Variants in PRKCE observed in about 807,000 individuals in gnomAD.
PRKCE encodes the protein protein kinase C epsilon.
Under a neutral mutation model 85.4 loss-of-function variants are expected in PRKCE, and 16 were observed. The observed-to-expected ratio is 0.19, with a 90% CI of 0.13 to 0.28. The LOEUF (loss-of-function observed/expected upper bound fraction) is 0.28, where lower values mean the gene tolerates loss of function less well. PRKCE is among the 10% of genes least tolerant of loss of function. The pLI, the probability that PRKCE is intolerant of heterozygous loss-of-function variation, is 1.00. For missense variants in PRKCE, 573 were observed against 975.2 expected, an observed-to-expected ratio of 0.59 and a Z score of 5.49; for synonymous variants, 388 against 371.5, an observed-to-expected ratio of 1.04 and a Z score of -0.51.
intron 11 of PRKCE, among the ~76,000 whole-genome samples, chr2:46,121,631 G>C (rs149387414): frequency 2.0e-5 from 3 of 152,352 alleles, no homozygotes; most frequent in Non-Finnish European, 2.9e-5. Context: ...TGGTGGATGG[G>C]AATTCTGGGT....
At chr2:45,744,901 A>G (rs559452908) in intron 1 of PRKCE, among the ~76,000 whole-genome samples, 7 of 152,112 alleles carry the variant, frequency 4.6e-5, no homozygotes, top group African/African-American at 7.2e-5. Context: ...GAGCCACCGC[A>G]CCCAGCCATT....
chr2:46,012,566 T>A (rs1463097368), intron 10 of PRKCE, among the ~76,000 whole-genome samples: 2 of 152,162 alleles, frequency 1.3e-5, no homozygotes, highest in Non-Finnish European at 2.9e-5. Flanking sequence ...CCTCTCACTA[T>A]CTGAGGTGGC....
chr2:45,963,939 G>T (rs920707177), intron 2 of PRKCE, among the ~76,000 whole-genome samples: 1 of 152,240 alleles, frequency 6.6e-6, no homozygotes, highest in Non-Finnish European at 1.5e-5. Context: ...AAGCTCTGTG[G>T]AGCCCAAGGT....
chr2:45,946,701 G>T (rs1700266616), intron 2 of PRKCE, among the ~76,000 whole-genome samples: 1 of 152,156 alleles, frequency 6.6e-6, no homozygotes, highest in Non-Finnish European at 1.5e-5. Flanking sequence ...TGTGATAAAG[G>T]TACCAATATG....
chr2:45,780,941 G>A (rs1237773676), intron 1 of PRKCE, among the ~76,000 whole-genome samples: 1 of 152,196 alleles, frequency 6.6e-6, no homozygotes, highest in African/African-American at 2.4e-5. Context: ...CTCAGAGCCA[G>A]GAAAAATTTG....
At position 46,020,101 on chromosome 2, in the gene PRKCE, C is replaced by T. The variant is rs888507266; in HGVS notation, c.1437+9584C>T. On this transcript the variant is annotated intron_variant, in intron 10 of 14. Transcript: ENST00000306156. ...CTGACCTCAAGTGATCCGCCTGCCT[C>T]GGCCTTCCACAATGCTAGGATTACA... is the stretch of plus-strand genomic sequence containing the variant. Among the ~76,000 whole-genome samples, 6 of 152,184 alleles carry T rather than the reference C, an allele frequency of 3.9e-5. No individual in the cohort carries two copies. The East Asian group carries it at 7.7e-4, about 20-fold the overall frequency.
At chr2:45,689,338 T>C (rs1039496442) in intron 1 of PRKCE, among the ~76,000 whole-genome samples, 2 of 152,144 alleles carry the variant, frequency 1.3e-5, no homozygotes, top group Admixed American at 6.5e-5. Context: ...CAGAAAGTGC[T>C]GTGGAAGAAT....
intron 12 of PRKCE, among the ~76,000 whole-genome samples, chr2:46,149,576 T>C (rs1033194387): frequency 6.6e-6 from 1 of 152,016 alleles, no homozygotes; most frequent in Non-Finnish European, 1.5e-5. Flanking sequence ...ATCATTGATC[T>C]GCTACATATT....
Position 46,053,718 on chromosome 2 carries a change from T to C in PRKCE, c.1438-32490T>C, listed in dbSNP as rs185392521. ...TAAGGCTGAATAATACTCCATTGTATATACATACGACATTTTGCTTCTCCA... is the reference window on the plus strand; with the variant it reads ...TAAGGCTGAATAATACTCCATTGTACATACATACGACATTTTGCTTCTCCA... On this transcript the variant is annotated intron_variant, in intron 10 of 14. Coordinates refer to ENST00000306156, the MANE Select transcript of PRKCE (RefSeq NM_005400.3). Among the ~76,000 whole-genome samples, 105 of 152,350 alleles carry C rather than the reference T, an allele frequency of 6.9e-4. No individual in the cohort carries two copies. In the East Asian group the frequency reaches 0.015, roughly 22 times the overall value.
intron 11 of PRKCE, among the ~76,000 whole-genome samples, chr2:46,141,701 A>T (rs6736626): frequency 0.066 from 9,724 of 147,688 alleles, 1,019 homozygotes; most frequent in African/African-American, 0.22. Context: ...TTAAAAAAAG[A>T]CCCCCCTCCT....
rs529240756 is a variant in PRKCE at position 45,954,745 on chromosome 2, C to T, written c.413-21684C>T. 1.4e-4 allele frequency among the ~76,000 whole-genome samples: 22 copies of T among 152,302 alleles called. No homozygotes were observed. In the East Asian group the frequency reaches 3.9e-3, roughly 27 times the overall value. On this transcript the variant is annotated intron_variant, in intron 2 of 14. Transcript: ENST00000306156. ...TGTCAAGAAATGCAAGTACTTATTG[C>T]ATGCTCTTGTAGGCCCTTTAGGGAT...
intron 13 of PRKCE, among the ~76,000 whole-genome samples, chr2:46,156,824 T>C (rs1462075230): frequency 1.3e-5 from 2 of 152,248 alleles, no homozygotes; most frequent in Admixed American, 1.3e-4. Context: ...TAAAATCAGA[T>C]ACAGTGAAAG....
rs1696930624 is a variant in PRKCE at position 45,905,837 on chromosome 2, G to T, written c.412+62774G>T. Reference sequence around the variant, plus strand: ...CTGTACTCAGTTACAAATTGGGTGAGATGTGGCTCCCACAGTGGGAATAAT... The same window carrying T: ...CTGTACTCAGTTACAAATTGGGTGATATGTGGCTCCCACAGTGGGAATAAT... On this transcript the variant is annotated intron_variant, in intron 2 of 14. Transcript: ENST00000306156. The surrounding 1 kb of genome is among the most constrained non-coding windows in gnomAD (Gnocchi z 4.4). Among the ~76,000 whole-genome samples the T allele has an allele frequency of 6.6e-6, 1 of 152,262 alleles. No individual in the cohort carries two copies. Among genetic ancestry groups the T allele is most frequent in the Admixed American group, 6.5e-5 (1 of 15,290 alleles).
intron 2 of PRKCE, among the ~76,000 whole-genome samples, chr2:45,883,417 C>T (rs960712509): frequency 1.8e-4 from 28 of 152,322 alleles, no homozygotes; most frequent in Middle Eastern, 3.4e-3. Context: ...CAGCTGTGGC[C>T]AGTGTCTAAT....
chr2:46,107,136 G>C (rs1671795672), intron 11 of PRKCE, among the ~76,000 whole-genome samples: 1 of 152,128 alleles, frequency 6.6e-6, no homozygotes, highest in Non-Finnish European at 1.5e-5. Context: ...AACCCCCTGT[G>C]CTTTACCTAT....
chr2:45,980,082 C>T (rs1702763478), intron 4 of PRKCE, among the ~76,000 whole-genome samples: 1 of 152,196 alleles, frequency 6.6e-6, no homozygotes, highest in African/African-American at 2.4e-5. Flanking sequence ...ATAAATGTTA[C>T]CTTGCTCTCT....
chr2:45,817,509 C>T (rs369518765), intron 1 of PRKCE, among the ~76,000 whole-genome samples: 395 of 149,180 alleles, frequency 2.6e-3, no homozygotes, highest in African/African-American at 9.4e-3. Flanking sequence ...CTGGCTAACA[C>T]GGTGAAACCC....
chr2:45,655,587 A>G (rs1281617810), intron 1 of PRKCE, among the ~76,000 whole-genome samples: 4 of 152,116 alleles, frequency 2.6e-5, no homozygotes, highest in Non-Finnish European at 5.9e-5. Context: ...ACTACTTGGG[A>G]GGCTGAGCTG....
At chr2:45,887,842 C>T (rs1179576412) in intron 2 of PRKCE, among the ~76,000 whole-genome samples, 2 of 152,244 alleles carry the variant, frequency 1.3e-5, no homozygotes, top group African/African-American at 4.8e-5. Flanking sequence ...CTCTGCCTCA[C>T]TTTGGCGTTC....
Sources: gnomAD v4.1 joint callset for allele counts (sites outside exome capture counted in the v4.1 genomes callset) on GRCh38, gnomAD v4.1.1 for gene constraint, Gnocchi (gnomAD v3.1) non-coding constraint, MANE v1.5 for transcripts, NCBI Gene and HGNC (gene_info 2026-07-23, HGNC 2026-07-21) for gene names.